The following MYO1B variants were observed in gnomAD, a reference collection of about 807,000 sequenced individuals.
MYO1B encodes the protein unconventional myosin-Ib.
In MYO1B, 72 loss-of-function variants were observed where a neutral mutation model predicts 159.7. That is an observed-to-expected ratio of 0.45 (90% CI 0.37 to 0.55). The LOEUF (loss-of-function observed/expected upper bound fraction) is 0.55. Ranked by LOEUF, MYO1B falls within the 20% of genes least tolerant of loss-of-function variation. The pLI is 0.00. For synonymous variants in MYO1B, 468 were observed against 473.8 expected (o/e 0.99, Z 0.16); for missense variants, 1,062 against 1,364.8 (o/e 0.78, Z 3.50).
Position 191,400,562 on chromosome 2 carries a change from G to T in MYO1B, c.2382+94G>T, listed in dbSNP as rs114411057. 9.2e-4 allele frequency: 1,338 copies of T among 1,456,952 alleles called. 6 individuals carry two copies. The African/African-American group carries it at 0.017, about 19-fold the overall frequency. 90.3% of individuals were successfully genotyped at this position (1,456,952 alleles called of 1,614,324 possible). A position where few individuals can be genotyped will look rare whatever the true frequency, so the allele number is the denominator to read the frequency against. ...TTCAGGGGCAGAAAATGTTTCACTG[G>T]CTTGAGCTACTGAGCACGTGTTTGC... is the stretch of plus-strand genomic sequence containing the variant. On this transcript the variant is annotated intron_variant, in intron 22 of 30. Transcript: ENST00000392318.
chr2:191,416,329 T>C, intron 30 of MYO1B, 87 bp downstream of exon 30: 1 of 1,477,980 alleles, frequency 6.8e-7, no homozygotes, highest in East Asian at 2.3e-5. Flanking sequence ...TTAATACAAC[T>C]ACTTATTAAG....
At chr2:191,312,328 A>T (rs1403371943) in intron 3 of MYO1B, among the ~76,000 whole-genome samples, 1 of 152,030 alleles carries the variant, frequency 6.6e-6, no homozygotes, top group African/African-American at 2.4e-5. Context: ...TCTGGTCTAT[A>T]TTCTGTTTTA....
intron 1 of MYO1B, among the ~76,000 whole-genome samples, chr2:191,254,274 A>G (rs1264649421): frequency 6.6e-6 from 1 of 151,948 alleles, no homozygotes; most frequent in African/African-American, 2.4e-5. Flanking sequence ...GTGCAGTGGC[A>G]TAATCTTGGC....
At chr2:191,253,191 C>T (rs1686231448) in intron 1 of MYO1B, among the ~76,000 whole-genome samples, 2 of 152,154 alleles carry the variant, frequency 1.3e-5, no homozygotes, top group Non-Finnish European at 2.9e-5. Flanking sequence ...TTCTCCTGGC[C>T]TTCATTTGTG....
rs999170256 is a variant in MYO1B, at chr2:191,256,533, G to A, written c.-10+10907G>A. ...GAATCCTAGCAGTGCACATAATTTA[G>A]GATTTCATACGAGGGACCCCTTTGG... is the stretch of plus-strand genomic sequence containing the variant. On this transcript the variant is annotated intron_variant, in intron 1 of 30. Transcript: ENST00000392318. Among the ~76,000 whole-genome samples, 3 of 152,084 alleles carry A rather than the reference G, an allele frequency of 2.0e-5. 1 individual carries two copies. The highest frequency in any genetic ancestry group is 7.2e-5 in the African/African-American group (3 of 41,402).
At chr2:191,340,490 A>G (rs562850121) in intron 4 of MYO1B, among the ~76,000 whole-genome samples, 2 of 152,222 alleles carry the variant, frequency 1.3e-5, no homozygotes, top group Admixed American at 1.3e-4. Flanking sequence ...CACCAAAGAC[A>G]TGTTTAGTCC....
At chr2:191,281,220 G>T (rs921726296) in intron 2 of MYO1B, among the ~76,000 whole-genome samples, 8 of 152,178 alleles carry the variant, frequency 5.3e-5, no homozygotes, top group African/African-American at 7.2e-5. Flanking sequence ...GCCATCTGTG[G>T]CCTGGTTGAG....
chr2:191,270,842 T>G (rs1424220225), intron 1 of MYO1B, among the ~76,000 whole-genome samples: 2 of 152,240 alleles, frequency 1.3e-5, no homozygotes, highest in African/African-American at 4.8e-5. Flanking sequence ...TCAATTCTGT[T>G]TCCTGCCCTT....
chr2:191,354,346 G>A (rs1693133216), intron 7 of MYO1B, among the ~76,000 whole-genome samples: 1 of 151,278 alleles, frequency 6.6e-6, no homozygotes, highest in Non-Finnish European at 1.5e-5. Flanking sequence ...GATCACAAAA[G>A]TAATTATGTA....
At chr2:191,265,187 G>GTTT (rs34417586) in intron 1 of MYO1B, among the ~76,000 whole-genome samples, 2 of 136,194 alleles carry the variant, frequency 1.5e-5, no homozygotes, top group African/African-American at 2.7e-5. Flanking sequence ...GAAGGCCCCT[G>GTTT]TTTTTTTTTT....
intron 3 of MYO1B, among the ~76,000 whole-genome samples, chr2:191,301,786 AT>A (rs965215152): frequency 2.1e-4 from 32 of 152,356 alleles, no homozygotes; most frequent in Non-Finnish European, 3.7e-4. Context: ...ACCTTCAGAT[AT>A]TTTAGTTACC....
rs115700919 is a variant in MYO1B at position 191,364,334 on chromosome 2, A to G, written c.1032+58A>G. Reference sequence around the variant, plus strand: ...CTTAAAAGTCTGTGCTAATTTTCATATAAGTATAAACAAAGATTTTAGTTT... The same window carrying G: ...CTTAAAAGTCTGTGCTAATTTTCATGTAAGTATAAACAAAGATTTTAGTTT... On this transcript the variant is annotated intron_variant, in intron 11 of 30. Transcript: ENST00000392318. 16,221 of 1,361,388 alleles carry G rather than the reference A, an allele frequency of 0.012. 153 individuals are homozygous for G. The highest frequency in any genetic ancestry group is 0.018 in the Middle Eastern group (101 of 5,536). The allele number at this position is 1,361,388 out of a possible 1,614,324, so 84.3% of individuals were successfully genotyped here.
chr2:191,399,190 G>A (rs921519280), intron 21 of MYO1B, among the ~76,000 whole-genome samples: 3 of 152,196 alleles, frequency 2.0e-5, no homozygotes, highest in African/African-American at 7.2e-5. Flanking sequence ...CAGGCAGGGA[G>A]GTTGCAGTGA....
chr2:191,405,405 C>T (rs1024330812), intron 24 of MYO1B, among the ~76,000 whole-genome samples: 4 of 152,188 alleles, frequency 2.6e-5, no homozygotes, highest in African/African-American at 9.7e-5. Flanking sequence ...GCTGTTTTGA[C>T]CTCCTCCCAT....
Position 191,409,132 on chromosome 2 carries a change from TG to T in MYO1B, c.2722del (p.Asp908IlefsTer7). On this transcript the variant is annotated frameshift_variant, in exon 26 of 31. Transcript: ENST00000392318. LOFTEE classifies it high-confidence loss of function. ...KNWPSRPYLF[L>X]DSTHKELKRI... Reference sequence around the variant, plus strand: ...TGGCCCTCAAGACCTTACTTATTCTTGGATTCTACTCACAAGGAGCTAAAAA... The same window carrying T: ...TGGCCCTCAAGACCTTACTTATTCTTGATTCTACTCACAAGGAGCTAAAAA... 3 of 1,613,158 alleles carry T rather than the reference TG, an allele frequency of 1.9e-6. No homozygotes were observed. Among genetic ancestry groups the T allele is most frequent in the Non-Finnish European group, 2.5e-6 (3 of 1,179,744 alleles).
At chr2:191,280,668 A>C (rs1276732033) in intron 2 of MYO1B, among the ~76,000 whole-genome samples, 1 of 152,074 alleles carries the variant, frequency 6.6e-6, no homozygotes, top group African/African-American at 2.4e-5. Context: ...TTAAGATTGG[A>C]GTTGAACCAG....
At chr2:191,271,290 G>A (rs1359172211) in intron 1 of MYO1B, among the ~76,000 whole-genome samples, 1 of 152,174 alleles carries the variant, frequency 6.6e-6, no homozygotes, top group African/African-American at 2.4e-5. Context: ...TAATATATGT[G>A]TTTTAAATGT....
At chr2:191,328,741 A>G (rs1691266158) in intron 3 of MYO1B, among the ~76,000 whole-genome samples, 1 of 152,124 alleles carries the variant, frequency 6.6e-6, no homozygotes, top group Non-Finnish European at 1.5e-5. Context: ...TTCCAGCTAC[A>G]TCGAACTGCA....
intron 2 of MYO1B, among the ~76,000 whole-genome samples, chr2:191,293,824 G>A (rs1280435474): frequency 1.3e-5 from 2 of 152,116 alleles, no homozygotes; most frequent in South Asian, 2.1e-4. Context: ...GTAGGTCTCA[G>A]CCTTATTTTA....
Sources: gnomAD v4.1 joint callset for allele counts (sites outside exome capture counted in the v4.1 genomes callset) on GRCh38, gnomAD v4.1.1 for gene constraint, MANE v1.5 for transcripts, NCBI Gene and HGNC (gene_info 2026-07-23, HGNC 2026-07-21) for gene names.